Variants in KCNK9 observed in about 807,000 individuals in gnomAD.
KCNK9 encodes potassium channel subfamily K member 9.
Under a neutral mutation model 10.8 loss-of-function variants are expected in KCNK9, and 1 was observed. The observed-to-expected ratio is 0.09, with a 90% CI of 0.03 to 0.44. KCNK9 has a LOEUF of 0.44. Ranked by LOEUF, KCNK9 falls within the 20% of genes least tolerant of loss-of-function variation. The pLI is 0.97. For missense variants in KCNK9, 303 were observed against 515.0 expected, an observed-to-expected ratio of 0.59 and a Z score of 3.98; for synonymous variants, 231 against 222.7, an observed-to-expected ratio of 1.04 and a Z score of -0.33.
At position 139,631,018 on chromosome 8, in the gene KCNK9, A is replaced by T. The variant is rs10111050; in HGVS notation, c.284-11919T>A. 3.5e-3 allele frequency among the ~76,000 whole-genome samples: 531 copies of T among 152,342 alleles called. 1 individual carries two copies. The highest frequency in any genetic ancestry group is 0.012 in the African/African-American group (488 of 41,586). On this transcript the variant is annotated intron_variant, in intron 1 of 1. Transcript: ENST00000520439. ...GCTCCCTGCAAGAGGGGCTCTGCGC[A>T]GCGCCGGCCACCGGAGAGGCAACGG...
chr8:139,657,927 T>C (rs1487335439), intron 1 of KCNK9, among the ~76,000 whole-genome samples: 1 of 152,104 alleles, frequency 6.6e-6, no homozygotes, highest in Non-Finnish European at 1.5e-5. Context: ...ATTCTCCCTG[T>C]CCAACAGCAG....
At chr8:139,641,690 T>G (rs538126143) in intron 1 of KCNK9, among the ~76,000 whole-genome samples, 21 of 152,116 alleles carry the variant, frequency 1.4e-4, no homozygotes, top group Admixed American at 6.5e-5. Context: ...TGCCACCTCT[T>G]CACTGACTGC....
chr8:139,638,291 G>T (rs898673975), intron 1 of KCNK9, among the ~76,000 whole-genome samples: 1 of 152,150 alleles, frequency 6.6e-6, no homozygotes, highest in African/African-American at 2.4e-5. Context: ...ACAAACAGCT[G>T]CAGATGATGA....
At chr8:139,657,236 C>A (rs1816045238) in intron 1 of KCNK9, among the ~76,000 whole-genome samples, 1 of 152,184 alleles carries the variant, frequency 6.6e-6, no homozygotes, top group Non-Finnish European at 1.5e-5. Context: ...TAGCTGTGTG[C>A]CCTTGGGTGG....
At chr8:139,625,152 T>TG (rs3837203) in intron 1 of KCNK9, among the ~76,000 whole-genome samples, 17,201 of 151,908 alleles carry the variant, frequency 0.11, 1,924 homozygotes, top group African/African-American at 0.28. Flanking sequence ...GTGCAGCCCT[T>TG]GGGGGTCAGA....
Position 139,703,112 on chromosome 8 carries a change from C to A in KCNK9, c.-120G>T. The A allele has an allele frequency of 1.2e-6, 1 of 822,954 alleles. No homozygotes were observed. Among genetic ancestry groups the A allele is most frequent in the Non-Finnish European group, 1.6e-6 (1 of 622,926 alleles). The allele number at this position is 822,954 out of a possible 1,614,324, so 51.0% of individuals were successfully genotyped here. On this transcript the variant is annotated 5_prime_UTR_variant, in exon 1 of 2. Coordinates refer to ENST00000520439, the MANE Select transcript of KCNK9 (RefSeq NM_001282534.2). This position sits in a 1 kb window ranked among gnomAD's most constrained non-coding sequence, Gnocchi z 6.4. ...CCTCCGCCGCCGCCGCCGCCGCCTC[C>A]AAGTTGTAAGCGGCGGCGGCAGCAG...
chr8:139,654,625 G>A (rs1815967617), intron 1 of KCNK9, among the ~76,000 whole-genome samples: 1 of 152,242 alleles, frequency 6.6e-6, no homozygotes, highest in Non-Finnish European at 1.5e-5. Context: ...ACCTTCTCCA[G>A]GAGCCTTTCA....
At chr8:139,690,940 C>G (rs928259559) in intron 1 of KCNK9, among the ~76,000 whole-genome samples, 1 of 152,194 alleles carries the variant, frequency 6.6e-6, no homozygotes, top group African/African-American at 2.4e-5. Flanking sequence ...TGACATCATT[C>G]CTGGCACACT....
At chr8:139,686,176 G>A (rs1293219023) in intron 1 of KCNK9, among the ~76,000 whole-genome samples, 1 of 152,202 alleles carries the variant, frequency 6.6e-6, no homozygotes, top group South Asian at 2.1e-4. Context: ...GAAAACCTAG[G>A]CAATACCATT....
At chr8:139,642,688 C>T (rs532524898) in intron 1 of KCNK9, among the ~76,000 whole-genome samples, 1 of 152,384 alleles carries the variant, frequency 6.6e-6, no homozygotes, top group South Asian at 2.1e-4. Context: ...GAGACCTGCA[C>T]CCAGTCCTGG....
chr8:139,700,761 T>C (rs1325052524), intron 1 of KCNK9, among the ~76,000 whole-genome samples: 1 of 152,142 alleles, frequency 6.6e-6, no homozygotes, highest in East Asian at 1.9e-4. Context: ...GTTACAGGCA[T>C]ACACCCAGAG....
chr8:139,636,320 A>AC (rs1172867386), intron 1 of KCNK9, among the ~76,000 whole-genome samples: 3 of 152,002 alleles, frequency 2.0e-5, no homozygotes, highest in Non-Finnish European at 4.4e-5. Flanking sequence ...CTCTTCTCTG[A>AC]CCCCCAGCAC....
intron 1 of KCNK9, among the ~76,000 whole-genome samples, chr8:139,687,352 A>ATATATATACATATATATG (rs1563751598): frequency 6.1e-5 from 9 of 147,164 alleles, no homozygotes; most frequent in African/African-American, 2.2e-4. Flanking sequence ...ATATATATAT[A>ATATATATACATATATATG]TGTATACATA....
At position 139,619,041 on chromosome 8, in the gene KCNK9, G is replaced by C; in HGVS notation, c.342C>G (p.Ala114=). 1 of 1,614,194 alleles carries C rather than the reference G, an allele frequency of 6.2e-7. No homozygotes were observed. Among genetic ancestry groups the C allele is most frequent in the Non-Finnish European group, 8.5e-7 (1 of 1,180,032 alleles). Residue 114 remains alanine, a synonymous_variant, in exon 2 of 2, where the codon GCC becomes GCG. Transcript: ENST00000520439. The part of the protein sequence containing the change: ...DAGKAFCMFY[A]VLGIPLTLVM... Reference sequence around the variant, plus strand: ...CCAGTGTCAGCGGGATGCCCAGCACGGCGTAGAACATGCAGAAGGCCTTGC... The same window carrying C: ...CCAGTGTCAGCGGGATGCCCAGCACCGCGTAGAACATGCAGAAGGCCTTGC...
chr8:139,629,620 C>T (rs529773418), intron 1 of KCNK9, among the ~76,000 whole-genome samples: 31 of 152,134 alleles, frequency 2.0e-4, no homozygotes, highest in African/African-American at 7.5e-4. Context: ...CCCTGGGAAG[C>T]GTCAGCAAAA....
chr8:139,700,544 GCACACACA>G (rs145303403), intron 1 of KCNK9, among the ~76,000 whole-genome samples: 1 of 142,588 alleles, frequency 7.0e-6, no homozygotes, highest in South Asian at 2.2e-4. Context: ...ACACACGCGC[GCACACACA>G]CACACACACA....
chr8:139,618,389 A>G lies in KCNK9; in HGVS notation c.994T>C (p.Tyr332His). The G allele has an allele frequency of 1.2e-6, 2 of 1,613,998 alleles. No individual in the cohort carries two copies. The highest frequency in any genetic ancestry group is 1.7e-6 in the Non-Finnish European group (2 of 1,179,976). ...LAPHYFHSIS[Y>H]KIEEISPSTL... ...CTTGGTGAGATCTCCTCGATCTTGTAAGAGATGGAGTGGAAGTAGTGGGGG... is the reference window on the plus strand; with the variant it reads ...CTTGGTGAGATCTCCTCGATCTTGTGAGAGATGGAGTGGAAGTAGTGGGGG... The change falls in exon 2 of 2, where the codon TAC (tyrosine) becomes CAC (histidine). Residue 332 changes from tyrosine to histidine, a missense_variant. By Grantham distance (83) the Tyr-to-His change is moderately conservative (BLOSUM62 2). Transcript: ENST00000520439. This position sits in a 1 kb window ranked among gnomAD's most constrained non-coding sequence, Gnocchi z 7.9.
chr8:139,651,721 T>A (rs964663710), intron 1 of KCNK9, among the ~76,000 whole-genome samples: 1 of 152,152 alleles, frequency 6.6e-6, no homozygotes, highest in Non-Finnish European at 1.5e-5. Flanking sequence ...GGGTTTAAAA[T>A]AAATATTTGT....
chr8:139,618,591 G>A lies in KCNK9; in HGVS notation c.792C>T (p.Leu264=), dbSNP rs574258393. The A allele has an allele frequency of 3.7e-6, 6 of 1,613,802 alleles. No individual in the cohort carries two copies. In the African/African-American group the frequency reaches 4.0e-5, roughly 11 times the overall value. ...ERRDAEERAS[L]AGNRNSMVIH... is the part of the protein sequence containing the mutation. ...TGACCATGCTGTTGCGGTTTCCGGC[G>A]AGGGATGCCCTCTCTTCAGCATCCC... is the stretch of plus-strand genomic sequence containing the variant. Residue 264 remains leucine, a synonymous_variant, in exon 2 of 2, where the codon CTC becomes CTT. Transcript: ENST00000520439. The surrounding 1 kb of genome is among the most constrained non-coding windows in gnomAD (Gnocchi z 7.9).
Sources: allele counts gnomAD v4.1 joint callset (sites outside exome capture counted in the v4.1 genomes callset), GRCh38; gene constraint gnomAD v4.1.1; non-coding constraint Gnocchi (gnomAD v3.1); transcripts MANE v1.5; gene names NCBI Gene and HGNC (gene_info 2026-07-23, HGNC 2026-07-21).